GRIP1: variants seen among roughly 807,000 people sequenced by gnomAD.
GRIP1 encodes glutamate receptor-interacting protein 1.
In GRIP1, 45 loss-of-function variants were observed where a neutral mutation model predicts 129.9. That is an observed-to-expected ratio of 0.35 (90% CI 0.27 to 0.44). The LOEUF (loss-of-function observed/expected upper bound fraction) is 0.44, where lower values mean the gene tolerates loss of function less well. GRIP1 is among the 20% of genes least tolerant of loss of function. GRIP1 has a pLI of 1.00. For synonymous variants in GRIP1, 530 were observed against 520.8 expected (o/e 1.02, Z -0.24); for missense variants, 1,196 against 1,396.8 (o/e 0.86, Z 2.29).
chr12:66,637,279 G>C (rs1392400494), intron 1 of GRIP1, among the ~76,000 whole-genome samples: 1 of 152,144 alleles, frequency 6.6e-6, no homozygotes, highest in East Asian at 1.9e-4. Context: ...CTTATATTTG[G>C]GAAGATAAAG....
intron 1 of GRIP1, among the ~76,000 whole-genome samples, chr12:66,996,442 C>A (rs544250266): frequency 6.6e-6 from 1 of 152,072 alleles, no homozygotes; most frequent in South Asian, 2.1e-4. Flanking sequence ...GCCAACACAG[C>A]AGAACTGAGA....
rs761775114 is a variant in GRIP1 at position 67,019,220 on chromosome 12, C to T, written c.58+49830G>A. ...CCACAGCTGGCACAATACACACGCA[C>T]GAATATGCGTCTACAGGAGAAACAG... On this transcript the variant is annotated intron_variant, in intron 1 of 1. Transcript: ENST00000643019. Among the ~76,000 whole-genome samples, 4 of 152,140 alleles carry T rather than the reference C, an allele frequency of 2.6e-5. No individual in the cohort carries two copies. In the East Asian group the frequency reaches 5.8e-4, roughly 22 times the overall value.
chr12:66,615,683 C>A (rs558738805), intron 1 of GRIP1, among the ~76,000 whole-genome samples: 1 of 152,166 alleles, frequency 6.6e-6, no homozygotes, highest in Non-Finnish European at 1.5e-5. Context: ...ACTCTTGTCA[C>A]CCACACTGGA....
At position 66,392,465 on chromosome 12, in the gene GRIP1, A is replaced by G. The variant is rs1306836033; in HGVS notation, c.2307T>C (p.Ser769=). 1 of 1,614,176 alleles carries G rather than the reference A, an allele frequency of 6.2e-7. No homozygotes were observed. Among genetic ancestry groups the G allele is most frequent in the Admixed American group, 1.7e-5 (1 of 60,024 alleles). The change falls in exon 19 of 25, where the codon TCT becomes TCC. Residue 769 remains serine (S), a synonymous_variant. Coordinates refer to ENST00000359742, the MANE Select transcript of GRIP1 (RefSeq NM_001366722.1). ...SASSPKKFPI[S]SHLSDLGDVE... ...CATCCCCCAGGTCACTCAAATGGCTAGAAATAGGGAACTTCTTGGGGCTCG... is the reference window on the plus strand; with the variant it reads ...CATCCCCCAGGTCACTCAAATGGCTGGAAATAGGGAACTTCTTGGGGCTCG...
chr12:66,595,202 CTT>C (rs1229988062), intron 2 of GRIP1, among the ~76,000 whole-genome samples: 1 of 152,078 alleles, frequency 6.6e-6, no homozygotes, highest in Non-Finnish European at 1.5e-5. Flanking sequence ...ATTCCAGTGA[CTT>C]TTAAATCTAA....
At chr12:66,516,976 G>A (rs1477024670) in intron 6 of GRIP1, among the ~76,000 whole-genome samples, 3 of 152,148 alleles carry the variant, frequency 2.0e-5, no homozygotes, top group Admixed American at 2.0e-4. Context: ...TGTAGAGGGT[G>A]GTTGTAAGGA....
intron 13 of GRIP1, among the ~76,000 whole-genome samples, chr12:66,442,710 T>A (rs573153944): frequency 3.2e-4 from 43 of 133,596 alleles, no homozygotes; most frequent in South Asian, 1.6e-3. Context: ...TTAAAAAAAA[T>A]TTTTTTTTTA....
intron 22 of GRIP1, among the ~76,000 whole-genome samples, chr12:66,376,733 C>T (rs922582802): frequency 1.3e-5 from 2 of 152,102 alleles, no homozygotes; most frequent in Non-Finnish European, 2.9e-5. Context: ...ATTTCTATTC[C>T]AGGTACAAAT....
intron 1 of GRIP1, among the ~76,000 whole-genome samples, chr12:66,907,340 T>C (rs976763484): frequency 6.6e-6 from 1 of 152,196 alleles, no homozygotes; most frequent in Admixed American, 6.5e-5. Flanking sequence ...CTTATAGTAA[T>C]AGAACATTAG....
chr12:67,008,581 T>C (rs2042661025), intron 1 of GRIP1, among the ~76,000 whole-genome samples: 2 of 152,204 alleles, frequency 1.3e-5, no homozygotes, highest in African/African-American at 4.8e-5. Flanking sequence ...GGATGGGATC[T>C]GAACTCCATC....
upstream of GRIP1, among the ~76,000 whole-genome samples, chr12:66,807,950 C>A (rs1347467783): frequency 1.0e-5 from 1 of 95,906 alleles, no homozygotes; most frequent in African/African-American, 4.1e-5. Flanking sequence ...CAATAAAGGG[C>A]CAACCTAAAG....
At position 66,895,991 on chromosome 12, in the gene GRIP1, C is replaced by T. The variant is rs80207996; in HGVS notation, c.58+173059G>A. Among the ~76,000 whole-genome samples the T allele has an allele frequency of 4.8e-3, 731 of 152,256 alleles. 9 individuals carry two copies. Among genetic ancestry groups the T allele is most frequent in the African/African-American group, 0.016 (683 of 41,534 alleles). ...CAGTTCTGCTATACTGGTAAAGAAT[C>T]AATGGTCATTTTGTTTAGCAAGATA... On this transcript the variant is annotated intron_variant, in intron 1 of 1. Coordinates refer to the GRIP1 transcript ENST00000643019.
intron 1 of GRIP1, among the ~76,000 whole-genome samples, chr12:66,975,747 C>A (rs561177924): frequency 5.9e-5 from 9 of 152,176 alleles, no homozygotes; most frequent in African/African-American, 2.2e-4. Flanking sequence ...AAGAGAGACA[C>A]GATGGAGGTT....
At chr12:66,570,143 G>A (rs1026413974) in intron 2 of GRIP1, among the ~76,000 whole-genome samples, 6 of 151,554 alleles carry the variant, frequency 4.0e-5, no homozygotes, top group Admixed American at 2.6e-4. Context: ...ATTAGAGACA[G>A]GGTCTTACTC....
chr12:66,451,383 G>GTTTGTTTTTTT (rs2058794233), intron 11 of GRIP1, among the ~76,000 whole-genome samples: 3 of 42,650 alleles, frequency 7.0e-5, no homozygotes, highest in Non-Finnish European at 1.3e-4. Flanking sequence ...ATTATAATCT[G>GTTTGTTTTTTT]TTTTTTTTTT....
At chr12:67,042,279 A>G (rs1393098219) in intron 1 of GRIP1, among the ~76,000 whole-genome samples, 2 of 152,166 alleles carry the variant, frequency 1.3e-5, no homozygotes, top group Non-Finnish European at 2.9e-5. Context: ...GCAACAGAAA[A>G]CAAACTAAGA....
intron 1 of GRIP1, among the ~76,000 whole-genome samples, chr12:66,999,044 C>A (rs1189121170): frequency 2.0e-5 from 3 of 152,108 alleles, no homozygotes; most frequent in Non-Finnish European, 4.4e-5. Context: ...GCTGCCCACA[C>A]CTCACATGCC....
intron 1 of GRIP1, among the ~76,000 whole-genome samples, chr12:66,986,858 TAAAAAAA>T (rs1566107136): frequency 7.4e-5 from 4 of 53,972 alleles, no homozygotes; most frequent in African/African-American, 4.9e-4. Context: ...TAAAAAATTT[TAAAAAAA>T]TAAAATAAAA....
At chr12:66,355,981 G>A (rs1459892379) in intron 23 of GRIP1, among the ~76,000 whole-genome samples, 1 of 152,212 alleles carries the variant, frequency 6.6e-6, no homozygotes, top group Admixed American at 6.5e-5. Context: ...CCAAGGCCAT[G>A]CTGGGAATCA....
Sources: gnomAD v4.1 joint callset for allele counts (sites outside exome capture counted in the v4.1 genomes callset) on GRCh38, gnomAD v4.1.1 for gene constraint, MANE v1.5 for transcripts, NCBI Gene and HGNC (gene_info 2026-07-23, HGNC 2026-07-21) for gene names.